The following LPA variants were observed in gnomAD, a reference collection of about 807,000 sequenced individuals.
The protein encoded by LPA is lipoprotein(a).
In LPA, 199 loss-of-function variants were observed where a neutral mutation model predicts 197.9. That is an observed-to-expected ratio of 1.01 (90% CI 0.90 to 1.13). LPA has a LOEUF of 1.13. LPA is among the 50% of genes most tolerant of loss of function. The probability of loss-of-function intolerance (pLI) is 0.00; values close to 1 mark genes in which losing one functional copy is unlikely to be tolerated. For missense variants in LPA, 1,853 were observed against 1,785.8 expected (o/e 1.04, Z -0.68); for synonymous variants, 715 against 639.5 (o/e 1.12, Z -1.78).
At chr6:160,605,849 T>A (rs1334186296) in intron 17 of LPA, among the ~76,000 whole-genome samples, 2 of 151,996 alleles carry the variant, frequency 1.3e-5, no homozygotes, top group African/African-American at 4.8e-5. Context: ...AATACAGAAG[T>A]CTCCGACTCT....
Position 160,537,874 on chromosome 6 carries a change from A to T in LPA, c.5823T>A (p.Thr1941=). 6.2e-7 allele frequency: 1 copy of T among 1,614,210 alleles called. No individual in the cohort carries two copies. Among genetic ancestry groups the T allele is most frequent in the Non-Finnish European group, 8.5e-7 (1 of 1,180,026 alleles). The change falls in exon 37 of 39, where the codon ACT becomes ACA. Residue 1941 remains threonine, a synonymous_variant. Transcript: ENST00000316300. ...MVTARTECYI[T]GWGETQGTFG... ...TCTCACCTTGGGTTTCTCCCCAGCC[A>T]GTGATGTAACATTCAGTCCTGGCGG... is the stretch of plus-strand genomic sequence containing the variant.
At position 160,578,505 on chromosome 6, in the gene LPA, T is replaced by C. The variant is rs996849199; in HGVS notation, c.4471+18A>G. On this transcript the variant is annotated intron_variant, in intron 27 of 38. Coordinates refer to ENST00000316300, the MANE Select transcript of LPA (RefSeq NM_005577.4). ...TTTTTCATCCCAGTATATAGATGTC[T>C]AACCACAAATTTCTTACCTTGTTCA... 3 of 1,613,638 alleles carry C rather than the reference T, an allele frequency of 1.9e-6. No individual in the cohort carries two copies. Among genetic ancestry groups the C allele is most frequent in the South Asian group, 2.2e-5 (2 of 91,078 alleles).
At chr6:160,579,335 T>G (rs1276023861) in intron 26 of LPA, among the ~76,000 whole-genome samples, 1 of 152,140 alleles carries the variant, frequency 6.6e-6, no homozygotes, top group Non-Finnish European at 1.5e-5. Context: ...ACAGGACTTA[T>G]AAAAGCTTCC....
intron 26 of LPA, among the ~76,000 whole-genome samples, chr6:160,580,230 G>A (rs1778766776): frequency 6.6e-6 from 1 of 152,102 alleles, no homozygotes; most frequent in South Asian, 2.1e-4. Flanking sequence ...TTGATGAATA[G>A]TATTCCTTTG....
At chr6:160,543,669 T>C (rs1314878939) in intron 33 of LPA, among the ~76,000 whole-genome samples, 4 of 152,228 alleles carry the variant, frequency 2.6e-5, no homozygotes, top group African/African-American at 9.6e-5. Context: ...ATGCCTTACA[T>C]ACAGTAAACA....
chr6:160,654,393 C>T (rs112650738), intron 1 of LPA, among the ~76,000 whole-genome samples: 1 of 151,690 alleles, frequency 6.6e-6, no homozygotes, highest in Non-Finnish European at 1.5e-5. Flanking sequence ...GGTGGGTCTG[C>T]CTTCCCAGCC....
At chr6:160,585,671 G>T (rs745768611) in intron 25 of LPA, among the ~76,000 whole-genome samples, 2 of 152,044 alleles carry the variant, frequency 1.3e-5, no homozygotes, top group African/African-American at 4.8e-5. Flanking sequence ...GGGGTGTGGG[G>T]CAGAAAAGGA....
chr6:160,552,093 G>A (rs1229599922), intron 30 of LPA, among the ~76,000 whole-genome samples: 1 of 151,982 alleles, frequency 6.6e-6, no homozygotes, highest in Non-Finnish European at 1.5e-5. Flanking sequence ...TTTATTTTTT[G>A]TAGAGAGAGG....
At chr6:160,590,734 G>A (rs528078030) in intron 23 of LPA, among the ~76,000 whole-genome samples, 10 of 152,144 alleles carry the variant, frequency 6.6e-5, no homozygotes, top group African/African-American at 2.4e-4. Flanking sequence ...AGGTCTGCAC[G>A]CTTCCTAAAG....
At chr6:160,592,201 G>T (rs1237691308) in intron 22 of LPA, among the ~76,000 whole-genome samples, 1 of 151,936 alleles carries the variant, frequency 6.6e-6, no homozygotes, top group Non-Finnish European at 1.5e-5. Flanking sequence ...AGGCTCTGTT[G>T]ATTAATTGGT....
intron 1 of LPA, among the ~76,000 whole-genome samples, chr6:160,662,115 C>T (rs927699701): frequency 6.6e-6 from 1 of 152,124 alleles, no homozygotes; most frequent in Non-Finnish European, 1.5e-5. Flanking sequence ...GATGATTTTT[C>T]CACAATCCTT....
chr6:160,611,363 A>T (rs746668132), intron 16 of LPA, among the ~76,000 whole-genome samples, 199 bp downstream of exon 16: 1 of 151,944 alleles, frequency 6.6e-6, no homozygotes, highest in Non-Finnish European at 1.5e-5. Flanking sequence ...CTGCTCCACA[A>T]AACTAGGAGG....
chr6:160,542,808 G>C lies in LPA; in HGVS notation c.5399C>G (p.Ala1800Gly). The change falls in exon 34 of 39, where the codon GCA becomes GGA. Residue 1800 changes from alanine (A) to glycine (G), a missense_variant and splice_region_variant. Transcript: ENST00000316300. ...LFDYCDIPLCASSSFDCGKPQ... is the reference protein window; with the variant it reads ...LFDYCDIPLCGSSSFDCGKPQ... ...CTTCCCACAATCAAATGAAGAGGAT[G>C]CTGTGGCACAAGGTGGGAAAAGAAG... The C allele has an allele frequency of 6.2e-7, 1 of 1,614,000 alleles. No individual in the cohort carries two copies. Among genetic ancestry groups the C allele is most frequent in the Non-Finnish European group, 8.5e-7 (1 of 1,179,908 alleles).
At chr6:160,611,416 C>G in intron 16 of LPA, 146 bp downstream of exon 16, 1 of 1,484,840 alleles carries the variant, frequency 6.7e-7, no homozygotes, top group Non-Finnish European at 9.3e-7. Context: ...AGACCCTTAG[C>G]TCCAAGGAAA....
At chr6:160,545,147 C>T (rs1384513725) in intron 33 of LPA, among the ~76,000 whole-genome samples, 2 of 151,758 alleles carry the variant, frequency 1.3e-5, no homozygotes, top group African/African-American at 2.4e-5. Flanking sequence ...AAGAAGGGTT[C>T]GGTGGGACTA....
At chr6:160,615,359 T>A in intron 14 of LPA, among the ~76,000 whole-genome samples, 1 of 126,836 alleles carries the variant, frequency 7.9e-6, no homozygotes, top group Non-Finnish European at 1.7e-5. Flanking sequence ...AGTTTGTGTG[T>A]GTGTGTGTGT....
intron 30 of LPA, among the ~76,000 whole-genome samples, chr6:160,553,497 G>A (rs1481874600): frequency 6.6e-6 from 1 of 152,084 alleles, no homozygotes; most frequent in Non-Finnish European, 1.5e-5. Context: ...GTCGTCCTAG[G>A]TTGATCTGTT....
intron 19 of LPA, among the ~76,000 whole-genome samples, chr6:160,600,392 C>T (rs1168836207): frequency 1.3e-5 from 2 of 152,126 alleles, no homozygotes; most frequent in African/African-American, 2.4e-5. Flanking sequence ...CAACCTGCCT[C>T]GGACTGAAAA....
In LPA at chr6:160,589,450, T is replaced by C. The variant is rs1184022924; in HGVS notation, c.3947+103A>G. On this transcript the variant is annotated intron_variant, in intron 24 of 38. Transcript: ENST00000316300. Reference sequence around the variant, plus strand: ...GAGACATTCTGTCCAACATTCTGGGTCTGAGAGAAATTGGGTCATAAGAAG... The same window carrying C: ...GAGACATTCTGTCCAACATTCTGGGCCTGAGAGAAATTGGGTCATAAGAAG... The C allele has an allele frequency of 2.2e-6, 3 of 1,350,320 alleles. No individual in the cohort carries two copies. The Admixed American group carries it at 5.3e-5, about 24-fold the overall frequency. The allele number at this position is 1,350,320 out of a possible 1,614,324, so 83.6% of individuals were successfully genotyped here.
Sources: gnomAD v4.1 joint callset for allele counts (sites outside exome capture counted in the v4.1 genomes callset) on GRCh38, gnomAD v4.1.1 for gene constraint, MANE v1.5 for transcripts, NCBI Gene and HGNC (gene_info 2026-07-23, HGNC 2026-07-21) for gene names.